TBXAS1: variants seen among roughly 807,000 people sequenced by gnomAD.
The protein encoded by TBXAS1 is thromboxane A synthase 1.
Under a neutral mutation model 60.7 loss-of-function variants are expected in TBXAS1, and 48 were observed. That is an observed-to-expected ratio of 0.79 (90% CI 0.63 to 1.01). The LOEUF is 1.01. Ranked by LOEUF, TBXAS1 falls within the 50% of genes least tolerant of loss-of-function variation. TBXAS1 has a pLI of 0.00. For synonymous variants in TBXAS1, 287 were observed against 269.7 expected (o/e 1.06, Z -0.63); for missense variants, 685 against 686.3 (o/e 1.00, Z 0.02).
chr7:139,799,580 T>G (rs1797664716), intron 4 of TBXAS1, among the ~76,000 whole-genome samples: 1 of 152,152 alleles, frequency 6.6e-6, no homozygotes, highest in African/African-American at 2.4e-5. Context: ...AGTCTTGAAC[T>G]TCTGAGCTCA....
intron 9 of TBXAS1, among the ~76,000 whole-genome samples, chr7:139,998,054 C>G (rs536000712): frequency 2.7e-4 from 41 of 152,316 alleles, no homozygotes; most frequent in Admixed American, 9.2e-4. Flanking sequence ...GATGAACACA[C>G]CACAACACAC....
chr7:139,866,786 T>C (rs537407956), intron 1 of TBXAS1, among the ~76,000 whole-genome samples: 3 of 151,004 alleles, frequency 2.0e-5, no homozygotes, highest in South Asian at 4.2e-4. Context: ...AGTAGAGACA[T>C]AGGAAAAATA....
intron 4 of TBXAS1, among the ~76,000 whole-genome samples, chr7:139,926,514 CTTCT>C (rs1421300923): frequency 2.0e-5 from 3 of 151,932 alleles, no homozygotes; most frequent in Admixed American, 6.6e-5. Context: ...TTACTTGAGC[CTTCT>C]TTCTTTTTTT....
chr7:139,836,087 A>G (rs989987831), intron 1 of TBXAS1, among the ~76,000 whole-genome samples: 1 of 148,990 alleles, frequency 6.7e-6, no homozygotes, highest in African/African-American at 2.5e-5. Context: ...AATAAATAAA[A>G]TACTTAGGAA....
At chr7:139,868,222 C>A (rs1169120531) in intron 1 of TBXAS1, among the ~76,000 whole-genome samples, 1 of 152,204 alleles carries the variant, frequency 6.6e-6, no homozygotes, top group East Asian at 1.9e-4. Context: ...TTGCGTATTA[C>A]CTGCTTTACA....
chr7:139,912,296 A>G (rs1453177752), intron 4 of TBXAS1, among the ~76,000 whole-genome samples: 2 of 152,196 alleles, frequency 1.3e-5, no homozygotes, highest in Non-Finnish European at 2.9e-5. Context: ...AATGGCAGAT[A>G]TCAGTGCTAA....
intron 1 of TBXAS1, among the ~76,000 whole-genome samples, chr7:139,830,850 TCTGA>T (rs1403098961): frequency 6.6e-6 from 1 of 152,152 alleles, no homozygotes; most frequent in African/African-American, 2.4e-5. Context: ...ATAGCTATGC[TCTGA>T]CTGTGGTTCT....
At chr7:139,959,404 A>C (rs1322524742) in intron 8 of TBXAS1, among the ~76,000 whole-genome samples, 4 of 152,210 alleles carry the variant, frequency 2.6e-5, no homozygotes, top group African/African-American at 9.6e-5. Context: ...TTAGACACCT[A>C]CATCTATCAG....
At chr7:139,834,012 T>G (rs1739110739) in intron 1 of TBXAS1, among the ~76,000 whole-genome samples, 1 of 152,226 alleles carries the variant, frequency 6.6e-6, no homozygotes, top group African/African-American at 2.4e-5. Flanking sequence ...ATACACATTC[T>G]ATTCAACATC....
At chr7:139,861,641 G>A (rs1356991595) in intron 1 of TBXAS1, among the ~76,000 whole-genome samples, 1 of 152,190 alleles carries the variant, frequency 6.6e-6, no homozygotes, top group Middle Eastern at 3.2e-3. Context: ...CATGGCTGAA[G>A]TACCAAACAT....
chr7:139,842,254 T>C (rs532351381), intron 1 of TBXAS1, among the ~76,000 whole-genome samples: 1 of 152,144 alleles, frequency 6.6e-6, no homozygotes, highest in Non-Finnish European at 1.5e-5. Flanking sequence ...GGGGCAGAGA[T>C]GAAAGAAGAA....
At chr7:139,972,295 G>C (rs1195765492) in intron 9 of TBXAS1, among the ~76,000 whole-genome samples, 1 of 152,186 alleles carries the variant, frequency 6.6e-6, no homozygotes, top group African/African-American at 2.4e-5. Context: ...GGCCTCTAGA[G>C]GGACCAAGCT....
At chr7:140,019,424 G>A (rs562824607) in intron 12 of TBXAS1, among the ~76,000 whole-genome samples, 1 of 152,248 alleles carries the variant, frequency 6.6e-6, no homozygotes, top group East Asian at 1.9e-4. Flanking sequence ...GCTTATGCCT[G>A]GCACTCCCCG....
chr7:139,783,544 G>A (rs1585491633), intron 3 of TBXAS1, among the ~76,000 whole-genome samples: 1 of 152,294 alleles, frequency 6.6e-6, no homozygotes, highest in South Asian at 2.1e-4. Context: ...TAATAGCTTG[G>A]TTTTCCTGAC....
chr7:139,984,640 G>GAGAGAGAGAGAGAGAA (rs1007635035), intron 9 of TBXAS1, among the ~76,000 whole-genome samples: 2 of 99,786 alleles, frequency 2.0e-5, no homozygotes, highest in African/African-American at 7.7e-5. Context: ...GAGAGAGAGA[G>GAGAGAGAGAGAGAGAA]AGAAAGAAAG....
chr7:140,005,481 G>T (rs1055596433), intron 9 of TBXAS1, among the ~76,000 whole-genome samples: 1 of 152,060 alleles, frequency 6.6e-6, no homozygotes, highest in Non-Finnish European at 1.5e-5. Flanking sequence ...TCAAGACAGC[G>T]CCACAGAGGA....
chr7:139,883,707 T>A (rs1251572388), intron 3 of TBXAS1, among the ~76,000 whole-genome samples: 3 of 152,196 alleles, frequency 2.0e-5, no homozygotes, highest in African/African-American at 7.2e-5. Flanking sequence ...ATGTAAAATG[T>A]GGGATTTGGA....
At position 139,896,170 on chromosome 7, in the gene TBXAS1, T is replaced by C. The variant is rs888916092; in HGVS notation, c.237-15055T>C. On this transcript the variant is annotated intron_variant, in intron 3 of 12. Transcript: ENST00000448866. The surrounding 1 kb of genome is among the most constrained non-coding windows in gnomAD (Gnocchi z 4.0). ...CTCAGGGATGCACGGACAGATAAGATGGGCTTTGTCTTGAGAGAACTTGCA... is the reference window on the plus strand; with the variant it reads ...CTCAGGGATGCACGGACAGATAAGACGGGCTTTGTCTTGAGAGAACTTGCA... Among the ~76,000 whole-genome samples the C allele has an allele frequency of 8.5e-5, 13 of 152,206 alleles. No individual in the cohort carries two copies. The highest frequency in any genetic ancestry group is 3.1e-4 in the African/African-American group (13 of 41,510).
intron 10 of TBXAS1, among the ~76,000 whole-genome samples, chr7:140,011,339 A>C (rs1176648662): frequency 2.1e-4 from 2 of 9,554 alleles, no homozygotes; most frequent in African/African-American, 4.0e-4. Context: ...GAATAAAAAA[A>C]AAAGAAAAAA....
Sources: gnomAD v4.1 joint callset for allele counts (sites outside exome capture counted in the v4.1 genomes callset) on GRCh38, gnomAD v4.1.1 for gene constraint, Gnocchi (gnomAD v3.1) non-coding constraint, MANE v1.5 for transcripts, NCBI Gene and HGNC (gene_info 2026-07-23, HGNC 2026-07-21) for gene names.